Variants in FAM83D observed in about 807,000 individuals in gnomAD.
FAM83D encodes the protein protein FAM83D.
FAM83D carries 26 observed loss-of-function variants against 25.4 expected under a neutral mutation model. The ratio of observed to expected loss-of-function variants is 1.02; its 90% CI spans 0.75 to 1.42. The LOEUF is 1.42. FAM83D is among the 40% of genes most tolerant of loss of function. The pLI, the probability that FAM83D is intolerant of heterozygous loss-of-function variation, is 0.00. For synonymous variants in FAM83D, 310 were observed against 318.5 expected, an observed-to-expected ratio of 0.97 and a Z score of 0.28; for missense variants, 740 against 758.1, an observed-to-expected ratio of 0.98 and a Z score of 0.28.
intron 1 of FAM83D, among the ~76,000 whole-genome samples, chr20:38,927,152 TC>T (rs1419045338): frequency 1.3e-5 from 2 of 152,182 alleles, no homozygotes; most frequent in Non-Finnish European, 2.9e-5. Context: ...AAGCCTCGGT[TC>T]CCAAGGATGC....
intron 1 of FAM83D, among the ~76,000 whole-genome samples, chr20:38,935,595 C>T (rs1293308765): frequency 6.6e-6 from 1 of 152,200 alleles, no homozygotes; most frequent in Non-Finnish European, 1.5e-5. Context: ...AGGCACATGC[C>T]ACCACGCCCA....
In FAM83D at chr20:38,947,875, G is replaced by A. The variant is rs1176934164; in HGVS notation, c.652-1G>A. 1.2e-6 allele frequency: 2 copies of A among 1,614,048 alleles called. No individual in the cohort carries two copies. The highest frequency in any genetic ancestry group is 1.1e-5 in the South Asian group (1 of 91,062). On this transcript the variant is annotated splice_acceptor_variant, in intron 2 of 3. Transcript: ENST00000619850. LOFTEE classifies it high-confidence loss of function. ...ATATTTCTCCCACTCCCTGCCAACA[G>A]TTAATGACAGTTCGGACTATCACAG... is the stretch of plus-strand genomic sequence containing the variant.
chr20:38,944,938 C>CAAA (rs778097440), intron 2 of FAM83D, among the ~76,000 whole-genome samples: 1 of 106,802 alleles, frequency 9.4e-6, no homozygotes, highest in Non-Finnish European at 2.0e-5. Flanking sequence ...GACTCTGTCT[C>CAAA]AAAAAAAAAA....
chr20:38,952,555 C>A lies in FAM83D; in HGVS notation c.*35C>A. 1 of 1,578,948 alleles carries A rather than the reference C, an allele frequency of 6.3e-7. No individual in the cohort carries two copies. The highest frequency in any genetic ancestry group is 8.6e-7 in the Non-Finnish European group (1 of 1,161,092). ...GTTCAGACTCCTGGTTTCTTCCAGGCTTACAGTGGACATCATCAGCTTCCT... is the reference window on the plus strand; with the variant it reads ...GTTCAGACTCCTGGTTTCTTCCAGGATTACAGTGGACATCATCAGCTTCCT... On this transcript the variant is annotated 3_prime_UTR_variant, in exon 4 of 4. Transcript: ENST00000619850.
chr20:38,951,797 C>A lies in FAM83D; in HGVS notation c.1035C>A (p.Asp345Glu). The A allele has an allele frequency of 6.2e-7, 1 of 1,614,200 alleles. No homozygotes were observed. Among genetic ancestry groups the A allele is most frequent in the Non-Finnish European group, 8.5e-7 (1 of 1,180,034 alleles). The stretch of plus-strand genomic sequence containing the variant: ...TGTCAAGTACTCCCAGGAAGGCGGA[C>A]CTGGACCCAGAGATGCCCGCAGAGG... ...ARLSSTPRKA[D>E]LDPEMPAEGK... Residue 345 changes from aspartate to glutamate, a missense_variant, in exon 4 of 4, where the codon GAC becomes GAA. By Grantham distance (45) the Asp-to-Glu change is conservative. This residue lies in a region of FAM83D where 375 missense variants were observed against 403.2 expected (regional missense o/e 0.93). Transcript: ENST00000619850.
At position 38,948,126 on chromosome 20, in the gene FAM83D, C is replaced by T. The variant is rs186178791; in HGVS notation, c.776+126C>T. ...GCCATGCATTCTGATATGCGTGCAT[C>T]TGTGTATAGCAGCTGGTTATCAAAG... On this transcript the variant is annotated intron_variant, in intron 3 of 3. Transcript: ENST00000619850. 2.6e-6 allele frequency: 3 copies of T among 1,132,726 alleles called. No individual in the cohort carries two copies. In the East Asian group the frequency reaches 8.0e-5, roughly 30 times the overall value. 70.2% of individuals were successfully genotyped at this position (1,132,726 alleles called of 1,614,324 possible). A position where few individuals can be genotyped will look rare whatever the true frequency, so the allele number is the denominator to read the frequency against.
At chr20:38,931,747 G>A (rs2085659562) in intron 1 of FAM83D, among the ~76,000 whole-genome samples, 1 of 152,250 alleles carries the variant, frequency 6.6e-6, no homozygotes, top group Admixed American at 6.5e-5. Flanking sequence ...CTGAAGCGCT[G>A]GTTCTGGGAT....
rs2085735509 is a variant in FAM83D at position 38,947,960 on chromosome 20, A to G, written c.736A>G (p.Thr246Ala). 6.2e-7 allele frequency: 1 copy of G among 1,614,128 alleles called. No homozygotes were observed. Among genetic ancestry groups the G allele is most frequent in the African/African-American group, 1.3e-5 (1 of 74,938 alleles). The part of the protein sequence containing the change: ...KIIGKVHEKF[T>A]LIDGIRVATG... ...TATTGGGAAGGTTCACGAAAAGTTC[A>G]CGTTGATTGATGGCATCCGCGTGGC... The change falls in exon 3 of 4, where the codon ACG (threonine) becomes GCG (alanine). Residue 246 changes from threonine to alanine, a missense_variant. Thr to Ala is a moderately conservative substitution (Grantham distance 58). Transcript: ENST00000619850.
At chr20:38,938,175 A>G (rs1479159236) in intron 1 of FAM83D, among the ~76,000 whole-genome samples, 1 of 152,270 alleles carries the variant, frequency 6.6e-6, no homozygotes, top group East Asian at 1.9e-4. Context: ...TTTACTCACC[A>G]TATAACAAAG....
intron 1 of FAM83D, among the ~76,000 whole-genome samples, chr20:38,929,372 T>G (rs2085649738): frequency 6.6e-6 from 1 of 152,084 alleles, no homozygotes; most frequent in Admixed American, 6.6e-5. Context: ...CTGCAGGTAC[T>G]GCGGAAAGGG....
At chr20:38,934,278 C>T (rs2085669592) in intron 1 of FAM83D, among the ~76,000 whole-genome samples, 1 of 151,874 alleles carries the variant, frequency 6.6e-6, no homozygotes, top group South Asian at 2.1e-4. Flanking sequence ...CAAGCAAAAC[C>T]CAAAAATGTA....
chr20:38,947,999 A>G lies in FAM83D; in HGVS notation c.775A>G (p.Ser259Gly). 1 of 1,614,142 alleles carries G rather than the reference A, an allele frequency of 6.2e-7. No individual in the cohort carries two copies. Among genetic ancestry groups the G allele is most frequent in the Non-Finnish European group, 8.5e-7 (1 of 1,180,002 alleles). The part of the protein sequence containing the change: ...DGIRVATGSY[S>G]FTWTDGKLNS... ...CATCCGCGTGGCAACAGGCTCCTAC[A>G]GGTAAGTCTCTAACCCGTCCAAGGC... The change falls in exon 3 of 4, where the codon AGT becomes GGT. Residue 259 changes from serine (S) to glycine (G), a missense_variant and splice_region_variant. Ser to Gly is a moderately conservative substitution (Grantham distance 56, BLOSUM62 0). Coordinates refer to ENST00000619850, the MANE Select transcript of FAM83D (RefSeq NM_030919.3).
chr20:38,938,509 C>G (rs545746751), intron 1 of FAM83D, among the ~76,000 whole-genome samples: 1 of 152,332 alleles, frequency 6.6e-6, no homozygotes, highest in East Asian at 1.9e-4. Flanking sequence ...ATCAGAGAGG[C>G]AAGCAGGTGT....
At position 38,941,914 on chromosome 20, in the gene FAM83D, G is replaced by A. The variant is rs369438877; in HGVS notation, c.484-45G>A. 9 of 1,601,052 alleles carry A rather than the reference G, an allele frequency of 5.6e-6. No homozygotes were observed. In the African/African-American group the frequency reaches 1.1e-4, roughly 19 times the overall value. Reference sequence around the variant, plus strand: ...AGTCCAGAGAGCGTGCTGTAAGGTGGTGTCCTATAAGCTTATCATGTGCTC... The same window carrying A: ...AGTCCAGAGAGCGTGCTGTAAGGTGATGTCCTATAAGCTTATCATGTGCTC... On this transcript the variant is annotated intron_variant, in intron 1 of 3. Transcript: ENST00000619850.
At position 38,941,888 on chromosome 20, in the gene FAM83D, G is replaced by C; in HGVS notation, c.484-71G>C. 3 of 1,481,670 alleles carry C rather than the reference G, an allele frequency of 2.0e-6. 1 individual carries two copies. Among genetic ancestry groups the C allele is most frequent in the African/African-American group, 2.8e-5 (2 of 72,250 alleles). 91.8% of individuals were successfully genotyped at this position (1,481,670 alleles called of 1,614,324 possible). A position where few individuals can be genotyped will look rare whatever the true frequency, so the allele number is the denominator to read the frequency against. On this transcript the variant is annotated intron_variant, in intron 1 of 3. Transcript: ENST00000619850. Reference sequence around the variant, plus strand: ...ATTTCCCAGTTCTGAGTGGAGTCCAGAGTCCAGAGAGCGTGCTGTAAGGTG... The same window carrying C: ...ATTTCCCAGTTCTGAGTGGAGTCCACAGTCCAGAGAGCGTGCTGTAAGGTG...
intron 1 of FAM83D, among the ~76,000 whole-genome samples, chr20:38,932,271 A>C (rs1166824196): frequency 2.0e-5 from 3 of 152,236 alleles, no homozygotes; most frequent in African/African-American, 7.2e-5. Context: ...CTGTAGTTCC[A>C]GCTACTCAGC....
At position 38,949,719 on chromosome 20, in the gene FAM83D, C is replaced by T. The variant is rs554849253; in HGVS notation, c.776+1719C>T. Among the ~76,000 whole-genome samples the T allele has an allele frequency of 4.6e-5, 7 of 152,298 alleles. No homozygotes were observed. The East Asian group carries it at 5.8e-4, about 13-fold the overall frequency. ...ACAGTTGGTTTTCAGTTCATCTTGA[C>T]GTAGGAGCCACACGCTGATCAGAAC... is the stretch of plus-strand genomic sequence containing the variant. On this transcript the variant is annotated intron_variant, in intron 3 of 3. Coordinates refer to ENST00000619850, the MANE Select transcript of FAM83D (RefSeq NM_030919.3).
At chr20:38,934,493 CAAA>C (rs34435879) in intron 1 of FAM83D, among the ~76,000 whole-genome samples, 4 of 78,058 alleles carry the variant, frequency 5.1e-5, no homozygotes, top group Non-Finnish European at 8.5e-5. Flanking sequence ...AACTCCGTCT[CAAA>C]AAAAAAAAAA....
In FAM83D at chr20:38,926,705, A is replaced by G. The variant is rs2145797441; in HGVS notation, c.263A>G (p.Asp88Gly). The change falls in exon 1 of 4, where the codon GAC becomes GGC. Residue 88 changes from aspartate (D) to glycine (G), a missense_variant. By Grantham distance (94) the Asp-to-Gly change is moderately conservative. Transcript: ENST00000619850. Reference sequence around the variant, plus strand: ...GCGGCGGCGGCGGCGGCGGCCGAGGACTCGTTCGGCTCCTCGCACGACTGC... The same window carrying G: ...GCGGCGGCGGCGGCGGCGGCCGAGGGCTCGTTCGGCTCCTCGCACGACTGC... ...EGAAAAAAAE[D>G]SFGSSHDCSS... is the part of the protein sequence containing the mutation. The G allele has an allele frequency of 1.3e-6, 2 of 1,519,656 alleles. No individual in the cohort carries two copies. The highest frequency in any genetic ancestry group is 1.2e-5 in the South Asian group (1 of 81,950). The allele number at this position is 1,519,656 out of a possible 1,614,324, so 94.1% of individuals were successfully genotyped here.
Sources: allele counts gnomAD v4.1 joint callset (sites outside exome capture counted in the v4.1 genomes callset), GRCh38; gene constraint gnomAD v4.1.1; regional missense constraint gnomAD v4.1.1; transcripts MANE v1.5; gene names NCBI Gene and HGNC (gene_info 2026-07-23, HGNC 2026-07-21).